Variants in IQCM observed in about 807,000 individuals in gnomAD.
The protein encoded by IQCM is IQ domain-containing protein M.
IQCM carries 45 observed loss-of-function variants against 57.6 expected under a neutral mutation model. That is an observed-to-expected ratio of 0.78 (90% CI 0.62 to 1.00). The LOEUF (loss-of-function observed/expected upper bound fraction) is 1.00. Ranked by LOEUF, IQCM falls within the 50% of genes least tolerant of loss-of-function variation. The probability of loss-of-function intolerance (pLI) is 0.00; values close to 1 mark genes in which losing one functional copy is unlikely to be tolerated. For missense variants in IQCM, 468 were observed against 511.6 expected (o/e 0.91, Z 0.82); for synonymous variants, 148 against 158.9 (o/e 0.93, Z 0.51).
At chr4:149,470,330 C>T (rs1739378209) in intron 12 of IQCM, among the ~76,000 whole-genome samples, 1 of 151,702 alleles carries the variant, frequency 6.6e-6, no homozygotes, top group African/African-American at 2.4e-5. Flanking sequence ...ATACAAGTTT[C>T]TGATAAAAAA....
intron 13 of IQCM, among the ~76,000 whole-genome samples, chr4:149,379,257 C>T (rs1730910628): frequency 6.6e-6 from 1 of 152,176 alleles, no homozygotes; most frequent in Non-Finnish European, 1.5e-5. Context: ...CTCATTGGGG[C>T]ACTGCCTAGT....
At chr4:149,655,341 CTT>C (rs1759542035) in intron 7 of IQCM, among the ~76,000 whole-genome samples, 1 of 152,122 alleles carries the variant, frequency 6.6e-6, no homozygotes, top group Admixed American at 6.6e-5. Flanking sequence ...ATTTAAAACT[CTT>C]TTCTTACATC....
chr4:149,717,106 G>A (rs1178183131), intron 5 of IQCM, among the ~76,000 whole-genome samples: 2 of 152,128 alleles, frequency 1.3e-5, no homozygotes, highest in Non-Finnish European at 2.9e-5. Flanking sequence ...GGTAAACTTA[G>A]GTAAGGTGTT....
chr4:149,627,901 G>A (rs1561077960), intron 7 of IQCM, among the ~76,000 whole-genome samples: 1 of 152,062 alleles, frequency 6.6e-6, no homozygotes, highest in Non-Finnish European at 1.5e-5. Context: ...ATATGATGAG[G>A]CAAAAAATAG....
In IQCM at chr4:149,643,288, G is replaced by T. The variant is rs367775245; in HGVS notation, c.566-22044C>A. On this transcript the variant is annotated intron_variant, in intron 7 of 13. Coordinates refer to ENST00000636793, the MANE Select transcript of IQCM (RefSeq NM_001363507.2). ...CAGGCATGTACCAAGTGTTGACAAT[G>T]CAAGATGAACAAGAAGAAGCCCCAG... Among the ~76,000 whole-genome samples, 20 of 152,184 alleles carry T rather than the reference G, an allele frequency of 1.3e-4. 1 individual carries two copies. Among genetic ancestry groups the T allele is most frequent in the Admixed American group, 1.1e-3 (17 of 15,276 alleles).
chr4:149,465,699 G>A (rs924235369), intron 12 of IQCM, among the ~76,000 whole-genome samples: 1 of 151,750 alleles, frequency 6.6e-6, no homozygotes, highest in Non-Finnish European at 1.5e-5. Flanking sequence ...CCAGAAAATT[G>A]GTTGTAAATA....
At chr4:149,530,359 C>A (rs1746604154) in intron 12 of IQCM, among the ~76,000 whole-genome samples, 2 of 151,884 alleles carry the variant, frequency 1.3e-5, no homozygotes, top group South Asian at 2.1e-4. Flanking sequence ...ACCCATGGAA[C>A]CTTGAAGAAC....
chr4:149,404,834 G>A (rs1052158968), intron 13 of IQCM, among the ~76,000 whole-genome samples: 3 of 151,868 alleles, frequency 2.0e-5, no homozygotes, highest in Non-Finnish European at 2.9e-5. Context: ...TGAATTAACC[G>A]GTTAATAACA....
intron 9 of IQCM, among the ~76,000 whole-genome samples, chr4:149,585,696 G>T (rs1029416696): frequency 6.6e-6 from 1 of 151,482 alleles, no homozygotes; most frequent in Non-Finnish European, 1.5e-5. Context: ...TCATCAGAAA[G>T]CCTATTAAAA....
chr4:149,783,967 T>C (rs536716615), intron 2 of IQCM, among the ~76,000 whole-genome samples: 2 of 152,312 alleles, frequency 1.3e-5, no homozygotes, highest in Admixed American at 6.5e-5. Context: ...AAGCCTCCAG[T>C]TGAGAATGCA....
At position 149,623,718 on chromosome 4, in the gene IQCM, G is replaced by GGTGTGT. The variant is rs3057342; in HGVS notation, c.566-2480_566-2475dup. ...ATAGAAATAAAGGTTCTGAATCCCAGGTGTGTGTGTGTGTGTGTGTGTGTG... is the reference window on the plus strand; with the variant it reads ...ATAGAAATAAAGGTTCTGAATCCCAGGTGTGTGTGTGTGTGTGTGTGTGTGTGTGTG... On this transcript the variant is annotated intron_variant, in intron 7 of 13. Coordinates refer to ENST00000636793, the MANE Select transcript of IQCM (RefSeq NM_001363507.2). Among the ~76,000 whole-genome samples the GGTGTGT allele has an allele frequency of 4.7e-3, 687 of 146,062 alleles. 5 individuals are homozygous for GGTGTGT. The highest frequency in any genetic ancestry group is 0.016 in the African/African-American group (625 of 40,078).
At chr4:149,385,643 C>T (rs1267699454) in intron 13 of IQCM, among the ~76,000 whole-genome samples, 2 of 152,070 alleles carry the variant, frequency 1.3e-5, no homozygotes, top group Non-Finnish European at 2.9e-5. Flanking sequence ...TCTTTCCTTA[C>T]AAACCTGGTC....
chr4:149,409,589 T>G (rs1437360173), intron 13 of IQCM, among the ~76,000 whole-genome samples: 1 of 152,230 alleles, frequency 6.6e-6, no homozygotes, highest in Non-Finnish European at 1.5e-5. Flanking sequence ...ATTTGTGTGG[T>G]GACATAGGGT....
intron 2 of IQCM, among the ~76,000 whole-genome samples, chr4:149,791,529 A>G (rs1268878722): frequency 6.6e-6 from 1 of 152,090 alleles, no homozygotes; most frequent in Non-Finnish European, 1.5e-5. Context: ...TACTCCTTCC[A>G]TCTAGCTGTA....
At chr4:149,803,583 CAG>C (rs1386453039) in intron 2 of IQCM, among the ~76,000 whole-genome samples, 1 of 152,008 alleles carries the variant, frequency 6.6e-6, no homozygotes, top group Non-Finnish European at 1.5e-5. Context: ...CTCGTCTCTT[CAG>C]AGTGTGCTTT....
chr4:149,664,683 T>TA (rs2150161801), intron 7 of IQCM, among the ~76,000 whole-genome samples: 1 of 152,288 alleles, frequency 6.6e-6, no homozygotes, highest in South Asian at 2.1e-4. Context: ...TGTTTACTCA[T>TA]AACGGATCAA....
At chr4:149,801,426 G>A (rs1010752494) in intron 2 of IQCM, among the ~76,000 whole-genome samples, 4 of 151,968 alleles carry the variant, frequency 2.6e-5, no homozygotes, top group African/African-American at 9.7e-5. Flanking sequence ...GTATATCAAA[G>A]AGATATCTGC....
At chr4:149,382,999 A>G (rs1731182355) in intron 13 of IQCM, among the ~76,000 whole-genome samples, 1 of 151,900 alleles carries the variant, frequency 6.6e-6, no homozygotes, top group East Asian at 1.9e-4. Context: ...CAGCAAAAAA[A>G]AAAAAAAAAG....
intron 12 of IQCM, among the ~76,000 whole-genome samples, chr4:149,464,478 A>C (rs1738633983): frequency 6.6e-6 from 1 of 152,022 alleles, no homozygotes; most frequent in Non-Finnish European, 1.5e-5. Context: ...CTGGCCCCTA[A>C]GGTTTCTTTC....
Sources: gnomAD v4.1 joint callset for allele counts (sites outside exome capture counted in the v4.1 genomes callset) on GRCh38, gnomAD v4.1.1 for gene constraint, MANE v1.5 for transcripts, NCBI Gene and HGNC (gene_info 2026-07-23, HGNC 2026-07-21) for gene names.